CACNA1A: variants seen among roughly 807,000 people sequenced by gnomAD.
The protein encoded by CACNA1A is voltage-dependent P/Q-type calcium channel subunit alpha-1A.
Under a neutral mutation model 262.4 loss-of-function variants are expected in CACNA1A, and 57 were observed. That is an observed-to-expected ratio of 0.22 (90% CI 0.18 to 0.27). The LOEUF (loss-of-function observed/expected upper bound fraction) is 0.27. Among genes scored for constraint, CACNA1A ranks in the 10% least tolerant of loss-of-function variants. CACNA1A has a pLI of 1.00. For synonymous variants in CACNA1A, 1,431 were observed against 1,419.3 expected, an observed-to-expected ratio of 1.01 and a Z score of -0.18; for missense variants, 2,526 against 3,562.8, an observed-to-expected ratio of 0.71 and a Z score of 7.41.
intron 29 of CACNA1A, 75 bp downstream of exon 29, chr19:13,255,020 G>A: frequency 6.6e-7 from 1 of 1,508,830 alleles, no homozygotes; most frequent in Non-Finnish European, 9.2e-7. Flanking sequence ...ACTGCAGATG[G>A]TTTCATTTTA....
intron 35 of CACNA1A, among the ~76,000 whole-genome samples, 165 bp from the exon 36 acceptor site, chr19:13,230,374 G>C (rs1343473999): frequency 6.6e-6 from 1 of 152,088 alleles, no homozygotes; most frequent in Non-Finnish European, 1.5e-5. Flanking sequence ...AAGGAAATGA[G>C]ACAGAGACAG....
At chr19:13,317,044 G>C in intron 11 of CACNA1A, 68 bp downstream of exon 11, 1 of 1,004,444 alleles carries the variant, frequency 1.0e-6, no homozygotes, top group East Asian at 2.5e-5. Context: ...ACCAGAGAAA[G>C]AGAAGTGGAA....
In CACNA1A at chr19:13,285,536, C is replaced by T. The variant is rs190471252; in HGVS notation, c.3554-330G>A. Reference sequence around the variant, plus strand: ...CTCAACCACTCTATAGCCTTGAGTGCGGTGGGGCCCTCATGGGATATTAAC... The same window carrying T: ...CTCAACCACTCTATAGCCTTGAGTGTGGTGGGGCCCTCATGGGATATTAAC... On this transcript the variant is annotated intron_variant, in intron 20 of 46. Coordinates refer to ENST00000360228, the MANE Select transcript of CACNA1A (RefSeq NM_001127222.2). Among the ~76,000 whole-genome samples, 48 of 152,124 alleles carry T rather than the reference C, an allele frequency of 3.2e-4. No homozygotes were observed. The East Asian group carries it at 7.7e-3, about 25-fold the overall frequency.
chr19:13,475,678 C>A (rs1978441681), intron 1 of CACNA1A, among the ~76,000 whole-genome samples: 1 of 152,164 alleles, frequency 6.6e-6, no homozygotes, highest in Admixed American at 6.5e-5. Context: ...GAATTCAAGA[C>A]TAAATGGTCC....
chr19:13,365,323 C>G lies in CACNA1A; in HGVS notation c.778G>C (p.Gly260Arg). 1 of 1,612,416 alleles carries G rather than the reference C, an allele frequency of 6.2e-7. No homozygotes were observed. Among genetic ancestry groups the G allele is most frequent in the East Asian group, 2.2e-5 (1 of 44,852 alleles). The change falls in exon 5 of 47, where the codon GGG becomes CGG. Residue 260 changes from glycine to arginine, a missense_variant. Physicochemically the swap from Gly to Arg is moderately radical, Grantham distance 125 (BLOSUM62 -2). Around this residue, in one of 17 missense-constraint regions of CACNA1A, gnomAD observed 52 missense variants for 124.0 expected, o/e 0.42. Transcript: ENST00000360228. ...TCATGCTCCGTGGACCTACCTGTCC[C>G]CTCTTCAAAGCAGGTGGTATGAAAT... ...GKFHTTCFEE[G>R]TDDIQGESPA...
intron 35 of CACNA1A, 91 bp from the exon 36 acceptor site, chr19:13,230,300 A>C: frequency 2.1e-6 from 3 of 1,423,210 alleles, no homozygotes; most frequent in Non-Finnish European, 2.0e-6. Flanking sequence ...ACAGACGGAC[A>C]GACAGACCCA....
intron 3 of CACNA1A, among the ~76,000 whole-genome samples, chr19:13,387,069 A>G (rs2059627842): frequency 2.0e-5 from 3 of 151,882 alleles, no homozygotes; most frequent in Admixed American, 2.0e-4. Flanking sequence ...CTCCTGCCTC[A>G]GCCTCCCGAG....
chr19:13,376,377 A>G (rs1025437567), intron 3 of CACNA1A, among the ~76,000 whole-genome samples: 8 of 152,100 alleles, frequency 5.3e-5, no homozygotes, highest in South Asian at 4.1e-4. Context: ...GTTGAAACCA[A>G]TGCTCACTTA....
intron 19 of CACNA1A, among the ~76,000 whole-genome samples, chr19:13,291,819 A>G (rs1429568032): frequency 6.6e-6 from 1 of 151,854 alleles, no homozygotes; most frequent in Non-Finnish European, 1.5e-5. Context: ...TAAAAAAACC[A>G]ACTTGGGCCC....
intron 31 of CACNA1A, among the ~76,000 whole-genome samples, chr19:13,242,592 G>A (rs1368601171): frequency 2.0e-5 from 3 of 152,182 alleles, no homozygotes; most frequent in Admixed American, 6.5e-5. Flanking sequence ...CACCATGCCC[G>A]GCCTGTTGAT....
intron 6 of CACNA1A, among the ~76,000 whole-genome samples, chr19:13,355,543 C>A (rs554264762): frequency 1.3e-5 from 2 of 152,284 alleles, no homozygotes; most frequent in African/African-American, 2.4e-5. Flanking sequence ...AGAGCCTGAT[C>A]CCACTGGAGA....
At position 13,506,099 on chromosome 19, in the gene CACNA1A, GGGCTGCCCGCCCTGCC is replaced by G; in HGVS notation, c.110_125del (p.Arg37ProfsTer46). On this transcript the variant is annotated frameshift_variant, in exon 1 of 47. Coordinates refer to ENST00000360228, the MANE Select transcript of CACNA1A (RefSeq NM_001127222.2). LOFTEE classifies it high-confidence loss of function. ...ACTGCTTGTACATCCTTTGCGCCCC[GGGCTGCCCGCCCTGCC>G]GGCTGCCCCCGGCTCCTCGCCCGCC... 6.2e-7 allele frequency: 1 copy of G among 1,612,840 alleles called. No homozygotes were observed. The highest frequency in any genetic ancestry group is 8.5e-7 in the Non-Finnish European group (1 of 1,179,520).
intron 6 of CACNA1A, among the ~76,000 whole-genome samples, chr19:13,345,063 G>A (rs2058740636): frequency 6.6e-6 from 1 of 151,962 alleles, no homozygotes; most frequent in East Asian, 1.9e-4. Context: ...CCAGCTTGGT[G>A]GATCATTTAA....
chr19:13,415,996 T>C (rs766160208), intron 3 of CACNA1A, among the ~76,000 whole-genome samples: 6 of 152,126 alleles, frequency 3.9e-5, no homozygotes, highest in Admixed American at 6.6e-5. Flanking sequence ...CCTACGCTGA[T>C]AAAAATATTC....
chr19:13,483,863 A>C (rs1979659704), intron 1 of CACNA1A, among the ~76,000 whole-genome samples: 1 of 152,326 alleles, frequency 6.6e-6, no homozygotes, highest in African/African-American at 2.4e-5. Context: ...AGGGATTCAC[A>C]TAGGTAAATA....
At chr19:13,330,356 A>G (rs1416919825) in intron 9 of CACNA1A, 23 bp from the exon 10 acceptor site, 1 of 1,532,396 alleles carries the variant, frequency 6.5e-7, no homozygotes. Flanking sequence ...AAACATGGCA[A>G]GAGAAAAAGA....
intron 3 of CACNA1A, among the ~76,000 whole-genome samples, chr19:13,377,356 A>C (rs2059437824): frequency 6.6e-6 from 1 of 151,204 alleles, no homozygotes; most frequent in African/African-American, 2.4e-5. Flanking sequence ...TGTTGTTTTT[A>C]TGACTTCTAA....
chr19:13,283,511 C>T (rs139689750), intron 21 of CACNA1A, 115 bp from the exon 22 acceptor site: 374 of 1,362,310 alleles, frequency 2.7e-4, no homozygotes, highest in Non-Finnish European at 3.4e-4. Context: ...CCCAAGGCCT[C>T]CTACACAACA....
chr19:13,441,465 G>A (rs185410745), intron 3 of CACNA1A, among the ~76,000 whole-genome samples: 2 of 152,166 alleles, frequency 1.3e-5, no homozygotes, highest in East Asian at 3.9e-4. Flanking sequence ...GGAGAAGTTC[G>A]AGATCAGCCT....
Sources: allele counts gnomAD v4.1 joint callset (sites outside exome capture counted in the v4.1 genomes callset), GRCh38; gene constraint gnomAD v4.1.1; regional missense constraint gnomAD v4.1.1; transcripts MANE v1.5; gene names NCBI Gene and HGNC (gene_info 2026-07-23, HGNC 2026-07-21).